Variants in RYR2 observed in about 807,000 individuals in gnomAD.
The protein encoded by RYR2 is cardiac muscle ryanodine receptor-calcium release channel.
A neutral mutation model predicts 601.1 loss-of-function variants in RYR2; 227 were observed. That is an observed-to-expected ratio of 0.38 (90% CI 0.34 to 0.42). The LOEUF is 0.42. Among genes scored for constraint, RYR2 ranks in the 10% least tolerant of loss-of-function variants. The pLI is 1.00. For synonymous variants in RYR2, 2,223 were observed against 2,175.1 expected (o/e 1.02, Z -0.61); for missense variants, 4,646 against 6,156.5 (o/e 0.75, Z 8.21).
intron 1 of RYR2, among the ~76,000 whole-genome samples, chr1:237,045,062 G>C (rs1319430205): frequency 6.6e-6 from 1 of 151,484 alleles, no homozygotes; most frequent in East Asian, 1.9e-4. Context: ...GGATGAAGCT[G>C]TTTTGCATAG....
chr1:237,058,091 G>A (rs769925463), intron 1 of RYR2, among the ~76,000 whole-genome samples: 3 of 152,172 alleles, frequency 2.0e-5, no homozygotes, highest in Non-Finnish European at 2.9e-5. Flanking sequence ...AATGGGAGAA[G>A]CTGATATTGC....
At chr1:237,668,501 G>C (rs1175815220) in intron 58 of RYR2, among the ~76,000 whole-genome samples, 1 of 152,084 alleles carries the variant, frequency 6.6e-6, no homozygotes, top group Non-Finnish European at 1.5e-5. Flanking sequence ...TTATTTATTT[G>C]CCGTTAGTCT....
chr1:237,478,757 C>T (rs182781726), intron 17 of RYR2, among the ~76,000 whole-genome samples: 11 of 151,510 alleles, frequency 7.3e-5, no homozygotes, highest in Admixed American at 6.6e-4. Flanking sequence ...CAAGGCCAGA[C>T]AGCATGTAAG....
chr1:237,781,492 TG>T, intron 88 of RYR2, 72 bp from the exon 89 acceptor site: 1 of 755,568 alleles, frequency 1.3e-6, no homozygotes, highest in Non-Finnish European at 2.3e-6. Flanking sequence ...GCATCCTTTT[TG>T]TGAGAATAAG....
chr1:237,144,491 A>C (rs1450081756), intron 1 of RYR2, among the ~76,000 whole-genome samples: 1 of 152,196 alleles, frequency 6.6e-6, no homozygotes, highest in African/African-American at 2.4e-5. Flanking sequence ...CATTCCAAAG[A>C]GATGTTTCTC....
At chr1:237,323,010 C>T (rs1203217981) in intron 2 of RYR2, among the ~76,000 whole-genome samples, 5 of 152,074 alleles carry the variant, frequency 3.3e-5, no homozygotes, top group Non-Finnish European at 4.4e-5. Flanking sequence ...TACATTTATT[C>T]AAACATCTCT....
intron 58 of RYR2, among the ~76,000 whole-genome samples, chr1:237,673,820 T>C (rs1244813567): frequency 6.6e-6 from 1 of 152,192 alleles, no homozygotes; most frequent in South Asian, 2.1e-4. Context: ...TTCCCTCTCA[T>C]TGGCGAGTGC....
At chr1:237,302,586 T>C (rs1246030059) in intron 2 of RYR2, among the ~76,000 whole-genome samples, 1 of 152,178 alleles carries the variant, frequency 6.6e-6, no homozygotes, top group South Asian at 2.1e-4. Context: ...GCTAAGCATA[T>C]CCTTCAGAAG....
intron 45 of RYR2, 26 bp downstream of exon 45, chr1:237,638,518 T>C (rs765523924): frequency 6.8e-6 from 11 of 1,611,624 alleles, no homozygotes; most frequent in African/African-American, 2.7e-5. Flanking sequence ...TTGAGGTCTT[T>C]TGAGTTATCA....
chr1:237,605,606 AG>A (rs1480219009), intron 35 of RYR2, among the ~76,000 whole-genome samples: 1 of 152,156 alleles, frequency 6.6e-6, no homozygotes, highest in African/African-American at 2.4e-5. Context: ...GTATTCAATT[AG>A]GAAAAGAGGA....
rs374327388 is a variant in RYR2, at chr1:237,667,920, T to C, written c.8552T>C (p.Ile2851Thr). 5 of 1,585,556 alleles carry C rather than the reference T, an allele frequency of 3.2e-6. No homozygotes were observed. The highest frequency in any genetic ancestry group is 4.3e-6 in the Non-Finnish European group (5 of 1,165,310). The change falls in exon 58 of 105, where the codon ATA becomes ACA. Residue 2851 changes from isoleucine (I) to threonine (T), a missense_variant. Transcript: ENST00000366574. The stretch of plus-strand genomic sequence containing the variant: ...ATGATGGCTGAAAACTACCATAATA[T>C]ATGGGCAAAGAAAAAGAAAATGGAG... ...AEMMAENYHNIWAKKKKMELE... is the reference protein window; with the variant it reads ...AEMMAENYHNTWAKKKKMELE...
At chr1:237,148,802 A>C (rs982276238) in intron 1 of RYR2, among the ~76,000 whole-genome samples, 1 of 152,030 alleles carries the variant, frequency 6.6e-6, no homozygotes, top group Non-Finnish European at 1.5e-5. Context: ...ATTGTTACCA[A>C]GTGTCTAGTA....
chr1:237,540,960 G>A (rs1025862098), intron 25 of RYR2, among the ~76,000 whole-genome samples: 1 of 151,850 alleles, frequency 6.6e-6, no homozygotes, highest in Non-Finnish European at 1.5e-5. Context: ...CATTTAAAAT[G>A]ACTTTCTGAA....
chr1:237,715,784 A>T (rs1161767146), intron 71 of RYR2, among the ~76,000 whole-genome samples: 1 of 152,158 alleles, frequency 6.6e-6, no homozygotes, highest in Non-Finnish European at 1.5e-5. Flanking sequence ...CCGGTATTGG[A>T]TAGAAGTATG....
chr1:237,445,421 C>G lies in RYR2; in HGVS notation c.1191C>G (p.Gly397=), dbSNP rs1192404007. ...TACAGGCTATTATGCATCATGAAGG[C>G]CACATGGATGATGGCATAAGTTTGT... ...IQRKAIMHHE[G]HMDDGISLSR... is the part of the protein sequence containing the mutation. Residue 397 remains glycine (G), a synonymous_variant, in exon 14 of 105, where the codon GGC becomes GGG. Transcript: ENST00000366574. 1.2e-6 allele frequency: 2 copies of G among 1,613,584 alleles called. No homozygotes were observed. Among genetic ancestry groups the G allele is most frequent in the South Asian group, 2.2e-5 (2 of 91,080 alleles).
At chr1:237,318,545 T>C (rs1336675034) in intron 2 of RYR2, among the ~76,000 whole-genome samples, 1 of 152,188 alleles carries the variant, frequency 6.6e-6, no homozygotes, top group Non-Finnish European at 1.5e-5. Flanking sequence ...TATCTGCAAA[T>C]GTCTATTTTG....
Position 237,832,827 on chromosome 1 carries a change from T to C in RYR2, c.*180T>C. ...TCCTCCCCCCACCTTTTGTATTTAC[T>C]TTGAGACTAAAGACTGAAGAATAAT... On this transcript the variant is annotated 3_prime_UTR_variant, in exon 105 of 105. Transcript: ENST00000366574. 1 of 515,962 alleles carries C rather than the reference T, an allele frequency of 1.9e-6. No individual in the cohort carries two copies. The highest frequency in any genetic ancestry group is 3.0e-5 in the South Asian group (1 of 33,174). 32.0% of individuals were successfully genotyped at this position (515,962 alleles called of 1,614,324 possible).
At chr1:237,672,244 G>A (rs1274838416) in intron 58 of RYR2, among the ~76,000 whole-genome samples, 1 of 152,070 alleles carries the variant, frequency 6.6e-6, no homozygotes, top group African/African-American at 2.4e-5. Context: ...TGCATTCTTA[G>A]GATTTTTAAA....
chr1:237,340,844 C>T (rs989489629), intron 3 of RYR2, among the ~76,000 whole-genome samples: 1 of 152,178 alleles, frequency 6.6e-6, no homozygotes, highest in Non-Finnish European at 1.5e-5. Flanking sequence ...ATTATAATCT[C>T]TTGAAGGGTT....
Sources: allele counts gnomAD v4.1 joint callset (sites outside exome capture counted in the v4.1 genomes callset), GRCh38; gene constraint gnomAD v4.1.1; transcripts MANE v1.5; gene names NCBI Gene and HGNC (gene_info 2026-07-23, HGNC 2026-07-21).